AP1M1: variants seen among roughly 807,000 people sequenced by gnomAD.
AP1M1 encodes the protein AP-1 complex subunit mu-1.
A neutral mutation model predicts 57.1 loss-of-function variants in AP1M1; 18 were observed. That is an observed-to-expected ratio of 0.32 (90% CI 0.22 to 0.47). The LOEUF is 0.47. Among genes scored for constraint, AP1M1 ranks in the 20% least tolerant of loss-of-function variants. The pLI is 1.00. For missense variants in AP1M1, 362 were observed against 593.5 expected (o/e 0.61, Z 4.05); for synonymous variants, 241 against 237.9 (o/e 1.01, Z -0.12).
At chr19:16,222,197 CTATTA>C (rs2091547621) in intron 5 of AP1M1, among the ~76,000 whole-genome samples, 1 of 119,024 alleles carries the variant, frequency 8.4e-6, no homozygotes, top group Non-Finnish European at 1.8e-5. Flanking sequence ...ATTATTATTA[CTATTA>C]TTATTATTAT....
At position 16,240,033 on chromosome 19, in the gene AP1M1, T is replaced by C. The variant is rs879466642; in HGVS notation, c.*5598T>C. On this transcript the variant is annotated 3_prime_UTR_variant, in exon 12 of 12. Coordinates refer to ENST00000291439, the MANE Select transcript of AP1M1 (RefSeq NM_032493.4). ...TGTGCTGGACATGTACAGGTTTTCTTTTTTATTGTCATTATTCCTTAAATA... is the reference window on the plus strand; with the variant it reads ...TGTGCTGGACATGTACAGGTTTTCTCTTTTATTGTCATTATTCCTTAAATA... 2 of 152,202 alleles carry C rather than the reference T, an allele frequency of 1.3e-5. No homozygotes were observed. The highest frequency in any genetic ancestry group is 2.4e-5 in the African/African-American group (1 of 41,456). 9.4% of individuals were successfully genotyped at this position (152,202 alleles called of 1,614,324 possible). A position where few individuals can be genotyped will look rare whatever the true frequency, so the allele number is the denominator to read the frequency against.
At chr19:16,216,259 C>T (rs573670318) in intron 5 of AP1M1, among the ~76,000 whole-genome samples, 1 of 152,256 alleles carries the variant, frequency 6.6e-6, no homozygotes, top group South Asian at 2.1e-4. Context: ...TCCTGGTGAA[C>T]ACAGTGAAAC....
rs1353764770 is a variant in AP1M1, at chr19:16,234,126, A to G, written c.1174-73A>G. 5 of 1,461,788 alleles carry G rather than the reference A, an allele frequency of 3.4e-6. No homozygotes were observed. The Admixed American group carries it at 6.7e-5, about 19-fold the overall frequency. The allele number at this position is 1,461,788 out of a possible 1,614,324, so 90.6% of individuals were successfully genotyped here. ...TCCCCTGCCAGCCCCAGGCTGCCCC[A>G]GCAGGAAAGATTAAGGGGGGACCAA... On this transcript the variant is annotated intron_variant, in intron 10 of 11. Transcript: ENST00000291439.
intron 5 of AP1M1, among the ~76,000 whole-genome samples, chr19:16,221,606 T>C (rs987816040): frequency 6.6e-6 from 1 of 152,194 alleles, no homozygotes; most frequent in Non-Finnish European, 1.5e-5. Context: ...AAAACAAATA[T>C]CTTGGTTAAA....
chr19:16,217,728 C>T (rs2091524924), intron 5 of AP1M1, among the ~76,000 whole-genome samples: 1 of 152,164 alleles, frequency 6.6e-6, no homozygotes, highest in Non-Finnish European at 1.5e-5. Context: ...GACAGTTCCC[C>T]TACGGCTAAA....
Position 16,234,181 on chromosome 19 carries a change from C to G in AP1M1, c.1174-18C>G. On this transcript the variant is annotated intron_variant, in intron 10 of 11. Coordinates refer to ENST00000291439, the MANE Select transcript of AP1M1 (RefSeq NM_032493.4). ...GCGGGAGCCTGCGGTGCTCAGGGCC[C>G]TGCTACCTGTGCCCCAGGTGCGCTA... is the stretch of plus-strand genomic sequence containing the variant. The G allele has an allele frequency of 6.2e-7, 1 of 1,609,530 alleles. No individual in the cohort carries two copies. The highest frequency in any genetic ancestry group is 8.5e-7 in the Non-Finnish European group (1 of 1,177,842).
chr19:16,222,598 T>TGTTG (rs2091551060), intron 5 of AP1M1, among the ~76,000 whole-genome samples: 1 of 151,440 alleles, frequency 6.6e-6, no homozygotes, highest in Non-Finnish European at 1.5e-5. Context: ...CTTCTCTTTT[T>TGTTG]GTTTGTTTTT....
At position 16,243,432 on chromosome 19, in the gene AP1M1, C is replaced by CTTTTTTTT. The variant is rs550578052; in HGVS notation, c.*8998_*8999insTTTTTTTT. ...TACAGGTGAGCACCACCAAGCTCAG[C>CTTTTTTTT]TATTTTTTTTTTTTTTTTGTATTTT... On this transcript the variant is annotated 3_prime_UTR_variant, in exon 12 of 12. Coordinates refer to ENST00000291439, the MANE Select transcript of AP1M1 (RefSeq NM_032493.4). 7.2e-5 allele frequency: 9 copies of CTTTTTTTT among 124,318 alleles called. 2 individuals are homozygous for CTTTTTTTT. Among genetic ancestry groups the CTTTTTTTT allele is most frequent in the Admixed American group, 8.3e-5 (1 of 11,996 alleles). 7.7% of individuals were successfully genotyped at this position (124,318 alleles called of 1,614,324 possible). A position where few individuals can be genotyped will look rare whatever the true frequency, so the allele number is the denominator to read the frequency against.
At chr19:16,215,258 C>T (rs2091514494) in intron 5 of AP1M1, among the ~76,000 whole-genome samples, 1 of 106,282 alleles carries the variant, frequency 9.4e-6, no homozygotes, top group African/African-American at 3.2e-5. Flanking sequence ...GTCAGGAATT[C>T]AAGACCAGCC....
intron 5 of AP1M1, among the ~76,000 whole-genome samples, chr19:16,220,147 A>G (rs1237528694): frequency 6.6e-6 from 1 of 152,238 alleles, no homozygotes; most frequent in African/African-American, 2.4e-5. Flanking sequence ...AGAATTCACC[A>G]CTGAAACTAT....
chr19:16,222,825 G>A (rs1212224030), intron 5 of AP1M1, among the ~76,000 whole-genome samples: 1 of 152,056 alleles, frequency 6.6e-6, no homozygotes, highest in Non-Finnish European at 1.5e-5. Context: ...GTGTTGCCCA[G>A]GCTAGTCTCG....
chr19:16,226,519 C>A lies in AP1M1; in HGVS notation c.645C>A (p.Asn215Lys). Residue 215 changes from asparagine (N) to lysine (K), a missense_variant, in exon 6 of 12, where the codon AAC becomes AAA. Asn to Lys is a moderately conservative substitution (Grantham distance 94). This residue lies in a region of AP1M1 where 337 missense variants were observed against 511.1 expected (regional missense o/e 0.66). Coordinates refer to ENST00000291439, the MANE Select transcript of AP1M1 (RefSeq NM_032493.4). Reference protein sequence around the residue: ...SGMPELRLGLNDKVLFDNTGR... With the variant: ...SGMPELRLGLKDKVLFDNTGR... ...TGCCCGAGCTGCGCCTGGGCCTCAACGACAAGGTCCTCTTTGACAACACGG... is the reference window on the plus strand; with the variant it reads ...TGCCCGAGCTGCGCCTGGGCCTCAAAGACAAGGTCCTCTTTGACAACACGG... The A allele has an allele frequency of 1.3e-6, 2 of 1,591,860 alleles. No homozygotes were observed. Among genetic ancestry groups the A allele is most frequent in the Non-Finnish European group, 8.6e-7 (1 of 1,168,126 alleles).
Position 16,228,304 on chromosome 19 carries a change from C to G in AP1M1, c.888+96C>G. 1 of 1,252,364 alleles carries G rather than the reference C, an allele frequency of 8.0e-7. No individual in the cohort carries two copies. 77.6% of individuals were successfully genotyped at this position (1,252,364 alleles called of 1,614,324 possible). Reference sequence around the variant, plus strand: ...GCTGGGGGTGCCGTAGGGCTGCCATCCGTGCACCCTCACTGTGGCCTCAGA... The same window carrying G: ...GCTGGGGGTGCCGTAGGGCTGCCATGCGTGCACCCTCACTGTGGCCTCAGA... On this transcript the variant is annotated intron_variant, in intron 8 of 11. Transcript: ENST00000291439. The surrounding 1 kb of genome is among the most constrained non-coding windows in gnomAD (Gnocchi z 5.0).
At chr19:16,198,674 A>G (rs2091434822) in intron 1 of AP1M1, among the ~76,000 whole-genome samples, 1 of 152,214 alleles carries the variant, frequency 6.6e-6, no homozygotes, top group South Asian at 2.1e-4. Context: ...CACAATGGTC[A>G]CAGAGAAGTA....
intron 1 of AP1M1, chr19:16,198,325 C>T (rs1231703074): frequency 1.9e-5 from 5 of 264,794 alleles, no homozygotes; most frequent in Non-Finnish European, 3.6e-5. Flanking sequence ...GACTGCACCG[C>T]CCTCTGCTCC....
chr19:16,242,696 A>G lies in AP1M1; in HGVS notation c.*8261A>G, dbSNP rs546654588. 13 of 152,376 alleles carry G rather than the reference A, an allele frequency of 8.5e-5. No homozygotes were observed. The highest frequency in any genetic ancestry group is 2.9e-4 in the African/African-American group (12 of 41,590). The allele number at this position is 152,376 out of a possible 1,614,324, so 9.4% of individuals were successfully genotyped here. A position where few individuals can be genotyped will look rare whatever the true frequency, so the allele number is the denominator to read the frequency against. On this transcript the variant is annotated 3_prime_UTR_variant, in exon 12 of 12. Coordinates refer to ENST00000291439, the MANE Select transcript of AP1M1 (RefSeq NM_032493.4). ...GTAAAAAGACATTAAAAGATGCCAA[A>G]AGAAATCTCATATGGTTATATTAAT...
At position 16,207,157 on chromosome 19, in the gene AP1M1, T is replaced by G. The variant is rs2091472758; in HGVS notation, c.267+749T>G. On this transcript the variant is annotated intron_variant, in intron 3 of 11. Transcript: ENST00000291439. The surrounding 1 kb of genome is among the most constrained non-coding windows in gnomAD (Gnocchi z 4.2). ...GGATGGGCCTGGCCGAGGTGGGCTG[T>G]GGGGCTCACGAAAGTGGGGAACAGG... 6.6e-6 allele frequency among the ~76,000 whole-genome samples: 1 copy of G among 151,834 alleles called. No individual in the cohort carries two copies. Among genetic ancestry groups the G allele is most frequent in the Non-Finnish European group, 1.5e-5 (1 of 67,942 alleles).
chr19:16,206,524 G>A lies in AP1M1; in HGVS notation c.267+116G>A, dbSNP rs2091470208. 1.8e-6 allele frequency: 2 copies of A among 1,113,918 alleles called. No individual in the cohort carries two copies. Among genetic ancestry groups the A allele is most frequent in the African/African-American group, 1.6e-5 (1 of 64,348 alleles). The allele number at this position is 1,113,918 out of a possible 1,614,324, so 69.0% of individuals were successfully genotyped here. On this transcript the variant is annotated intron_variant, in intron 3 of 11. Transcript: ENST00000291439. This position sits in a 1 kb window ranked among gnomAD's most constrained non-coding sequence, Gnocchi z 4.3. ...GCTGTGGCATCCCCAGGGAGCACTGGGGCTGGAAGCCCAGGAAGTGGGAAA... is the reference window on the plus strand; with the variant it reads ...GCTGTGGCATCCCCAGGGAGCACTGAGGCTGGAAGCCCAGGAAGTGGGAAA...
chr19:16,230,477 T>C (rs1249648328), intron 9 of AP1M1, among the ~76,000 whole-genome samples: 3 of 151,194 alleles, frequency 2.0e-5, no homozygotes, highest in Admixed American at 6.6e-5. Flanking sequence ...CTCGGCTCAC[T>C]GCAACCTGTG....
Sources: allele counts gnomAD v4.1 joint callset (sites outside exome capture counted in the v4.1 genomes callset), GRCh38; gene constraint gnomAD v4.1.1; regional missense constraint gnomAD v4.1.1; non-coding constraint Gnocchi (gnomAD v3.1); transcripts MANE v1.5; gene names NCBI Gene and HGNC (gene_info 2026-07-23, HGNC 2026-07-21).